APOOL: variants seen among roughly 807,000 people sequenced by gnomAD.
APOOL encodes apolipoprotein O like, also known as MICOS complex subunit MIC27.
In APOOL, 12 loss-of-function variants were observed where a neutral mutation model predicts 23.1. The observed-to-expected ratio is 0.52, with a 90% CI of 0.33 to 0.84. The LOEUF is 0.84. Among genes scored for constraint, APOOL ranks in the 40% least tolerant of loss-of-function variants. The pLI is 0.02. For synonymous variants in APOOL, 77 were observed against 69.9 expected, an observed-to-expected ratio of 1.10 and a Z score of -0.51; for missense variants, 212 against 199.6, an observed-to-expected ratio of 1.06 and a Z score of -0.37.
intron 1 of APOOL, among the ~76,000 whole-genome samples, chrX:85,026,209 A>T (rs773457263): frequency 9.7e-4 from 110 of 113,393 alleles, no homozygotes; most frequent in Middle Eastern, 9.2e-3. Context: ...CCTGAACTCA[A>T]CCAGGGCCCC....
At chrX:85,074,768 A>G (rs1018074081) in intron 8 of APOOL, among the ~76,000 whole-genome samples, 1 of 110,562 alleles carries the variant, frequency 9.0e-6, no homozygotes, top group South Asian at 3.8e-4. Flanking sequence ...TTTTTGTGCT[A>G]TTTACCTATC....
chrX:85,056,071 T>A, intron 5 of APOOL, 146 bp downstream of exon 5: 1 of 391,551 alleles, frequency 2.6e-6, no homozygotes, highest in Non-Finnish European at 4.2e-6. Flanking sequence ...ACAGCATGCT[T>A]ACTTTTATAA....
intron 5 of APOOL, among the ~76,000 whole-genome samples, chrX:85,066,564 T>C (rs770219382): frequency 9.9e-5 from 11 of 111,612 alleles, no homozygotes; most frequent in Non-Finnish European, 1.9e-4. Flanking sequence ...AAGGCACTTA[T>C]TGATATGCAT....
In APOOL at chrX:85,051,381, G is replaced by C. The variant is rs72633107; in HGVS notation, c.121-8G>C. The C allele has an allele frequency of 2.5e-6, 3 of 1,203,744 alleles. No individual in the cohort carries two copies. The highest frequency in any genetic ancestry group is 3.4e-6 in the Non-Finnish European group (3 of 893,516). On this transcript the variant is annotated splice_polypyrimidine_tract_variant and splice_region_variant and intron_variant, in intron 2 of 8. Transcript: ENST00000373173. ...TATGTTTTTGACATGAACATTTTTT[G>C]CCTGTAGCTCCCCATATATACTGCA... is the stretch of plus-strand genomic sequence containing the variant.
At chrX:85,033,696 C>T (rs1175682091) in intron 1 of APOOL, among the ~76,000 whole-genome samples, 1 of 111,412 alleles carries the variant, frequency 9.0e-6, no homozygotes, top group Non-Finnish European at 1.9e-5. Flanking sequence ...ATAGTATGCA[C>T]TCCTTAAATA....
At chrX:85,074,971 A>G (rs1445142873) in intron 8 of APOOL, among the ~76,000 whole-genome samples, 3 of 110,469 alleles carry the variant, frequency 2.7e-5, no homozygotes, top group East Asian at 5.7e-4. Context: ...CTAAACAAAT[A>G]CTGCTGTGAT....
intron 1 of APOOL, among the ~76,000 whole-genome samples, chrX:85,024,670 C>T (rs1013808254): frequency 2.7e-5 from 3 of 112,677 alleles, no homozygotes; most frequent in African/African-American, 9.7e-5. Flanking sequence ...GTTTTAACTC[C>T]TAGACCAGCT....
Position 85,089,389 on chromosome X carries a change from C to G in APOOL, c.*1711C>G, listed in dbSNP as rs751611763. 4.4e-5 allele frequency: 5 copies of G among 112,538 alleles called. No homozygotes were observed. Among genetic ancestry groups the G allele is most frequent in the African/African-American group, 1.6e-4 (5 of 31,004 alleles). 9.3% of individuals were successfully genotyped at this position (112,538 alleles called of 1,213,427 possible). ...CAGTGTTGGGATTACAGGCGTGAGC[C>G]ACCGCACCCAGCCCCTACTTGAATT... On this transcript the variant is annotated 3_prime_UTR_variant, in exon 9 of 9. Transcript: ENST00000373173.
intron 1 of APOOL, among the ~76,000 whole-genome samples, chrX:85,007,314 A>C (rs1921113367): frequency 9.0e-6 from 1 of 111,200 alleles, no homozygotes; most frequent in Non-Finnish European, 1.9e-5. Context: ...TCCAATGCTG[A>C]GTGTTGTCAA....
At chrX:85,050,752 T>A (rs970214385) in intron 2 of APOOL, among the ~76,000 whole-genome samples, 25 of 110,361 alleles carry the variant, frequency 2.3e-4, no homozygotes, top group Non-Finnish European at 3.8e-4. Context: ...AATAATAATA[T>A]GATGATGATA....
rs763892996 is a variant in APOOL at position 85,067,200 on chromosome X, G to C, written c.468G>C (p.Gln156His). 6.1e-6 allele frequency: 7 copies of C among 1,144,751 alleles called. No homozygotes were observed. In the African/African-American group the frequency reaches 1.1e-4, roughly 18 times the overall value. 94.3% of individuals were successfully genotyped at this position (1,144,751 alleles called of 1,213,427 possible). A position where few individuals can be genotyped will look rare whatever the true frequency, so the allele number is the denominator to read the frequency against. ...TLGATVCYPV[Q>H]SVIIAKVTAK... ...GAGCAACTGTTTGCTACCCAGTTCA[G>C]TCCGTAATAATTGCTAAGGTAAGTT... The change falls in exon 6 of 9, where the codon CAG becomes CAC. Residue 156 changes from glutamine (Q) to histidine (H), a missense_variant. Gln to His is a conservative substitution (Grantham distance 24). Transcript: ENST00000373173.
At chrX:85,010,328 G>T (rs779559084) in intron 1 of APOOL, among the ~76,000 whole-genome samples, 12 of 112,013 alleles carry the variant, frequency 1.1e-4, no homozygotes, top group African/African-American at 3.9e-4. Flanking sequence ...TATCTTTGAT[G>T]AAGTATCTGT....
intron 8 of APOOL, among the ~76,000 whole-genome samples, chrX:85,079,303 G>T (rs1288601707): frequency 9.0e-6 from 1 of 111,662 alleles, no homozygotes; most frequent in Non-Finnish European, 1.9e-5. Flanking sequence ...AACAGGAAGG[G>T]CAGTTGAATT....
At chrX:85,006,408 A>G (rs778244398) in intron 1 of APOOL, among the ~76,000 whole-genome samples, 3 of 111,488 alleles carry the variant, frequency 2.7e-5, no homozygotes, top group Non-Finnish European at 3.8e-5. Flanking sequence ...CTAGGTTCAA[A>G]CAGTATATTT....
intron 5 of APOOL, among the ~76,000 whole-genome samples, chrX:85,059,417 G>A (rs1923102913): frequency 1.8e-5 from 2 of 110,246 alleles, no homozygotes; most frequent in Admixed American, 9.7e-5. Context: ...TGGGTCAAAT[G>A]GTATTTCTAG....
At chrX:85,038,524 G>GTTTTTTTTTTTTTTTTTTTTTTTTT (rs56248244) in intron 1 of APOOL, among the ~76,000 whole-genome samples, 2 of 43,445 alleles carry the variant, frequency 4.6e-5, no homozygotes, top group African/African-American at 2.1e-4. Flanking sequence ...TCTGGTACAA[G>GTTTTTTTTTTTTTTTTTTTTTTTTT]TTTTTTTTTT....
At chrX:85,079,440 C>T (rs1430532704) in intron 8 of APOOL, among the ~76,000 whole-genome samples, 3 of 111,001 alleles carry the variant, frequency 2.7e-5, no homozygotes, top group African/African-American at 6.5e-5. Flanking sequence ...GGGAGGAAGC[C>T]GACTTAATTG....
At chrX:85,037,579 C>G (rs990747004) in intron 1 of APOOL, among the ~76,000 whole-genome samples, 1 of 111,425 alleles carries the variant, frequency 9.0e-6, no homozygotes, top group Non-Finnish European at 1.9e-5. Flanking sequence ...TGACTTCAAA[C>G]TGTACTATAA....
At chrX:85,051,040 A>G (rs1473817267) in intron 2 of APOOL, among the ~76,000 whole-genome samples, 8 of 111,051 alleles carry the variant, frequency 7.2e-5, no homozygotes, top group Non-Finnish European at 3.8e-5. Context: ...ACCCCAAAGG[A>G]TCCATTTTAC....
Sources: gnomAD v4.1 joint callset for allele counts (sites outside exome capture counted in the v4.1 genomes callset) on GRCh38, gnomAD v4.1.1 for gene constraint, MANE v1.5 for transcripts, NCBI Gene and HGNC (gene_info 2026-07-23, HGNC 2026-07-21) for gene names.